The following RABGAP1L variants were observed in gnomAD, a reference collection of about 807,000 sequenced individuals.
RABGAP1L encodes the protein RAB GTPase activating protein 1 like, also known as rab GTPase-activating protein 1-like.
In RABGAP1L, 63 loss-of-function variants were observed where a neutral mutation model predicts 137.7. The ratio of observed to expected loss-of-function variants is 0.46; its 90% CI spans 0.37 to 0.56. The LOEUF (loss-of-function observed/expected upper bound fraction) is 0.56, where lower values mean the gene tolerates loss of function less well. Ranked by LOEUF, RABGAP1L falls within the 20% of genes least tolerant of loss-of-function variation. The pLI, the probability that RABGAP1L is intolerant of heterozygous loss-of-function variation, is 0.00. For synonymous variants in RABGAP1L, 431 were observed against 433.7 expected (o/e 0.99, Z 0.08); for missense variants, 1,095 against 1,244.0 (o/e 0.88, Z 1.80).
chr1:174,615,633 G>C (rs1203589671), intron 13 of RABGAP1L, among the ~76,000 whole-genome samples: 2 of 152,196 alleles, frequency 1.3e-5, no homozygotes, highest in Non-Finnish European at 2.9e-5. Context: ...ATTTAAGTCT[G>C]TGGAGGTTAC....
chr1:174,709,939 A>T (rs1680353600), intron 17 of RABGAP1L, among the ~76,000 whole-genome samples: 1 of 152,238 alleles, frequency 6.6e-6, no homozygotes, highest in Non-Finnish European at 1.5e-5. Context: ...GAAACTGCTA[A>T]CTAGAATAAC....
At chr1:174,189,472 G>A (rs1391037058) in intron 1 of RABGAP1L, among the ~76,000 whole-genome samples, 1 of 152,188 alleles carries the variant, frequency 6.6e-6, no homozygotes, top group Non-Finnish European at 1.5e-5. Flanking sequence ...TCATGGAGAT[G>A]GCTTTTCTTT....
chr1:174,179,544 GCACACACACACACACACACACACA>G (rs56839600), intron 1 of RABGAP1L, among the ~76,000 whole-genome samples: 7 of 147,154 alleles, frequency 4.8e-5, no homozygotes, highest in Non-Finnish European at 9.1e-5. Context: ...CTTAGCACGT[GCACACACACACACACACACACACA>G]CACACACACA....
chr1:174,939,558 A>AT (rs1447771292), intron 19 of RABGAP1L, among the ~76,000 whole-genome samples: 1 of 152,078 alleles, frequency 6.6e-6, no homozygotes, highest in East Asian at 1.9e-4. Flanking sequence ...AAAAAAAAAA[A>AT]AAAAGAAAAA....
intron 17 of RABGAP1L, among the ~76,000 whole-genome samples, chr1:174,728,471 A>G (rs190754488): frequency 1.3e-5 from 2 of 152,312 alleles, no homozygotes; most frequent in Admixed American, 6.5e-5. Flanking sequence ...GAAATCACAG[A>G]TGACACAAAC....
intron 3 of RABGAP1L, among the ~76,000 whole-genome samples, chr1:174,228,967 C>T (rs1456897222): frequency 6.6e-6 from 1 of 151,690 alleles, no homozygotes; most frequent in African/African-American, 2.4e-5. Flanking sequence ...TGGATGCTCT[C>T]TAACCACAAT....
At chr1:174,445,847 A>G (rs888285418) in intron 13 of RABGAP1L, among the ~76,000 whole-genome samples, 6 of 152,230 alleles carry the variant, frequency 3.9e-5, no homozygotes, top group Non-Finnish European at 8.8e-5. Flanking sequence ...TACAAATGCT[A>G]TAAGGAGAAT....
At chr1:174,273,305 G>C (rs1674707446) in intron 8 of RABGAP1L, among the ~76,000 whole-genome samples, 1 of 151,836 alleles carries the variant, frequency 6.6e-6, no homozygotes, top group Non-Finnish European at 1.5e-5. Flanking sequence ...GGTTTATTCA[G>C]GCTTTTGGGT....
At chr1:174,825,851 G>T (rs1006546810) in intron 19 of RABGAP1L, among the ~76,000 whole-genome samples, 1 of 152,126 alleles carries the variant, frequency 6.6e-6, no homozygotes, top group Non-Finnish European at 1.5e-5. Flanking sequence ...AGATGGTGCC[G>T]CTGCTCTCCA....
intron 4 of RABGAP1L, among the ~76,000 whole-genome samples, chr1:174,239,130 G>A (rs1571719149): frequency 6.6e-6 from 1 of 152,184 alleles, no homozygotes; most frequent in South Asian, 2.1e-4. Flanking sequence ...TTCGGCTCGC[G>A]CACCGTGCGC....
intron 19 of RABGAP1L, among the ~76,000 whole-genome samples, chr1:174,849,373 G>C (rs1448514907): frequency 1.3e-5 from 2 of 152,126 alleles, no homozygotes; most frequent in African/African-American, 4.8e-5. Flanking sequence ...GGGGCCATAT[G>C]ACGAATTTAA....
At chr1:174,416,667 A>G (rs1480804576) in intron 13 of RABGAP1L, among the ~76,000 whole-genome samples, 10 of 152,132 alleles carry the variant, frequency 6.6e-5, no homozygotes, top group Non-Finnish European at 1.5e-5. Flanking sequence ...TTGTCATGCA[A>G]GATGAAAATT....
In RABGAP1L at chr1:174,527,199, A is replaced by ATT. The variant is rs200033988; in HGVS notation, c.1711-110173_1711-110172dup. On this transcript the variant is annotated intron_variant, in intron 13 of 25. Coordinates refer to ENST00000681986, the MANE Select transcript of RABGAP1L (RefSeq NM_001366446.1). ...TGGTCTGAGAAAACATATGATTTTT[A>ATT]TTTTGTTTTTTTTTTTTTTTTTGAG... 2.8e-5 allele frequency among the ~76,000 whole-genome samples: 3 copies of ATT among 108,272 alleles called. No individual in the cohort carries two copies. In the East Asian group the frequency reaches 9.5e-4, roughly 34 times the overall value. The allele number at this position is 108,272 out of a possible 152,430, so 71.0% of individuals were successfully genotyped here. A position where few individuals can be genotyped will look rare whatever the true frequency, so the allele number is the denominator to read the frequency against.
chr1:174,603,040 T>C (rs112289540), intron 13 of RABGAP1L, among the ~76,000 whole-genome samples: 3 of 152,036 alleles, frequency 2.0e-5, no homozygotes, highest in Non-Finnish European at 4.4e-5. Context: ...AAGAGTTAGG[T>C]ATTTGTTTTA....
At chr1:174,893,339 G>A (rs1314496256) in intron 19 of RABGAP1L, among the ~76,000 whole-genome samples, 1 of 152,148 alleles carries the variant, frequency 6.6e-6, no homozygotes, top group Non-Finnish European at 1.5e-5. Flanking sequence ...GGATTGGCAA[G>A]CTGAATGTTT....
chr1:174,989,031 A>T (rs1014653851), intron 25 of RABGAP1L, among the ~76,000 whole-genome samples, 193 bp downstream of exon 25: 5 of 152,236 alleles, frequency 3.3e-5, no homozygotes, highest in African/African-American at 1.2e-4. Context: ...TATAATTTTA[A>T]ATGAAATTTT....
intron 13 of RABGAP1L, among the ~76,000 whole-genome samples, chr1:174,465,331 CT>C (rs1450623224): frequency 6.6e-6 from 1 of 152,164 alleles, no homozygotes. Flanking sequence ...TCCAGAGTAG[CT>C]GGGACTACTG....
intron 13 of RABGAP1L, among the ~76,000 whole-genome samples, chr1:174,596,435 T>G (rs985507999): frequency 6.6e-6 from 1 of 152,208 alleles, no homozygotes; most frequent in African/African-American, 2.4e-5. Context: ...ATCTTTCACT[T>G]CTTTGGTTAA....
intron 19 of RABGAP1L, among the ~76,000 whole-genome samples, chr1:174,899,814 A>T (rs1371971720): frequency 6.6e-6 from 1 of 152,196 alleles, no homozygotes; most frequent in Non-Finnish European, 1.5e-5. Flanking sequence ...ATGAAGAAGA[A>T]AGCAATCATA....
Sources: gnomAD v4.1 joint callset for allele counts (sites outside exome capture counted in the v4.1 genomes callset) on GRCh38, gnomAD v4.1.1 for gene constraint, MANE v1.5 for transcripts, NCBI Gene and HGNC (gene_info 2026-07-23, HGNC 2026-07-21) for gene names.